The following NRXN3 variants were observed in gnomAD, a reference collection of about 807,000 sequenced individuals.
NRXN3 encodes the protein neurexin III.
In NRXN3, 32 loss-of-function variants were observed where a neutral mutation model predicts 137.6. That is an observed-to-expected ratio of 0.23 (90% CI 0.18 to 0.31). The LOEUF is 0.31. Ranked by LOEUF, NRXN3 falls within the 10% of genes least tolerant of loss-of-function variation. NRXN3 has a pLI of 1.00. For synonymous variants in NRXN3, 798 were observed against 784.5 expected (o/e 1.02, Z -0.29); for missense variants, 1,574 against 2,062.5 (o/e 0.76, Z 4.59).
rs1458447354 is a variant in NRXN3 at position 79,062,811 on chromosome 14, TC to T, written c.3262+74671del. ...CTCATTCTCTATTCAATTTTGTTTT[TC>T]ATGCAAGAGAAAAATATAAAACACG... On this transcript the variant is annotated intron_variant, in intron 15 of 20. Transcript: ENST00000335750. Among the ~76,000 whole-genome samples the T allele has an allele frequency of 6.6e-5, 10 of 152,192 alleles. No homozygotes were observed. The East Asian group carries it at 1.3e-3, about 20-fold the overall frequency.
At chr14:79,661,381 T>A (rs747568021) in intron 16 of NRXN3, among the ~76,000 whole-genome samples, 8 of 152,186 alleles carry the variant, frequency 5.3e-5, no homozygotes, top group Non-Finnish European at 1.2e-4. Flanking sequence ...CAGCCTGCTT[T>A]GGTTGATCAT....
chr14:78,558,810 A>G (rs2096761588), intron 4 of NRXN3, among the ~76,000 whole-genome samples: 1 of 152,224 alleles, frequency 6.6e-6, no homozygotes, highest in African/African-American at 2.4e-5. Flanking sequence ...GATAGCTACC[A>G]TTTGCTCATT....
At chr14:79,758,236 A>T (rs577240910) in intron 19 of NRXN3, among the ~76,000 whole-genome samples, 4 of 152,150 alleles carry the variant, frequency 2.6e-5, no homozygotes, top group Admixed American at 2.6e-4. Flanking sequence ...ATAAAGAAAC[A>T]TGTGAGACTG....
chr14:78,374,416 A>T (rs1291265459), intron 4 of NRXN3, among the ~76,000 whole-genome samples: 1 of 152,220 alleles, frequency 6.6e-6, no homozygotes. Flanking sequence ...AAATCTTGTC[A>T]AACTGTATTA....
At chr14:79,018,465 C>T (rs2099583584) in intron 15 of NRXN3, among the ~76,000 whole-genome samples, 1 of 151,980 alleles carries the variant, frequency 6.6e-6, no homozygotes, top group Admixed American at 6.6e-5. Context: ...GATTTCTCCA[C>T]TTTCTGAGAT....
intron 4 of NRXN3, among the ~76,000 whole-genome samples, chr14:78,574,599 C>T (rs1464142734): frequency 1.3e-5 from 2 of 152,212 alleles, no homozygotes; most frequent in Non-Finnish European, 1.5e-5. Context: ...GTAGCCCCTT[C>T]GTTTTGGCCA....
intron 8 of NRXN3, among the ~76,000 whole-genome samples, chr14:78,751,079 A>T (rs571925688): frequency 2.6e-5 from 4 of 152,202 alleles, no homozygotes; most frequent in African/African-American, 9.6e-5. Context: ...CCTCTTAGAT[A>T]AAAGAAGTCC....
intron 9 of NRXN3, among the ~76,000 whole-genome samples, chr14:78,810,035 A>T (rs1349070337): frequency 6.9e-6 from 1 of 144,482 alleles, no homozygotes; most frequent in Non-Finnish European, 1.5e-5. Context: ...AAAAAAAAAA[A>T]TGTTTGGTGT....
At chr14:78,947,804 G>A (rs73325334) in intron 10 of NRXN3, among the ~76,000 whole-genome samples, 3,356 of 152,238 alleles carry the variant, frequency 0.022, 112 homozygotes, top group African/African-American at 0.074. Flanking sequence ...ACTCTAGGTG[G>A]GTATTTAGGT....
intron 8 of NRXN3, among the ~76,000 whole-genome samples, chr14:78,776,173 A>T (rs2098744314): frequency 6.6e-6 from 1 of 152,238 alleles, no homozygotes; most frequent in Non-Finnish European, 1.5e-5. Flanking sequence ...CAGTTCTTCA[A>T]GCATGTATAC....
chr14:79,863,155 T>C lies in NRXN3; in HGVS notation c.*1191T>C, dbSNP rs1188574044. On this transcript the variant is annotated 3_prime_UTR_variant, in exon 21 of 21. Coordinates refer to ENST00000335750, the MANE Select transcript of NRXN3 (RefSeq NM_001330195.2). ...CATAGTTCTTTCCCCGCCCCGAATG[T>C]GACAATGGTTTTCATAGTGGTTTAA... 1 of 152,598 alleles carries C rather than the reference T, an allele frequency of 6.6e-6. No homozygotes were observed. The highest frequency in any genetic ancestry group is 1.9e-4 in the East Asian group (1 of 5,200). The allele number at this position is 152,598 out of a possible 1,614,324, so 9.5% of individuals were successfully genotyped here.
chr14:78,488,223 T>C (rs1430545947), intron 4 of NRXN3, among the ~76,000 whole-genome samples: 2 of 152,212 alleles, frequency 1.3e-5, no homozygotes, highest in African/African-American at 2.4e-5. Context: ...TCATTATAAC[T>C]TAATCACCTC....
intron 7 of NRXN3, among the ~76,000 whole-genome samples, chr14:78,711,782 A>G (rs1289424344): frequency 6.6e-6 from 1 of 152,180 alleles, no homozygotes; most frequent in Non-Finnish European, 1.5e-5. Flanking sequence ...ATCAAAGCCT[A>G]TTAAAAACTT....
intron 16 of NRXN3, among the ~76,000 whole-genome samples, chr14:79,526,638 A>G (rs1315071017): frequency 6.6e-6 from 1 of 152,220 alleles, no homozygotes; most frequent in African/African-American, 2.4e-5. Flanking sequence ...ACCGTGTGCC[A>G]GATACAGAGC....
At chr14:78,507,128 A>G (rs1599627982) in intron 4 of NRXN3, among the ~76,000 whole-genome samples, 1 of 152,232 alleles carries the variant, frequency 6.6e-6, no homozygotes, top group Admixed American at 6.5e-5. Context: ...ACGCTATGTC[A>G]CTCAAATAAC....
intron 4 of NRXN3, among the ~76,000 whole-genome samples, chr14:78,359,340 A>T (rs2084780012): frequency 1.3e-5 from 2 of 152,142 alleles, no homozygotes; most frequent in Non-Finnish European, 2.9e-5. Context: ...TCTCCAGGTG[A>T]TTCTAATGTA....
At chr14:78,866,243 A>T (rs2099086428) in intron 10 of NRXN3, among the ~76,000 whole-genome samples, 1 of 152,220 alleles carries the variant, frequency 6.6e-6, no homozygotes. Context: ...AAAGAAAAAA[A>T]TGACGTTTTC....
At position 78,731,806 on chromosome 14, in the gene NRXN3, C is replaced by T. The variant is rs531635754; in HGVS notation, c.2044+16667C>T. On this transcript the variant is annotated intron_variant, in intron 8 of 20. Transcript: ENST00000335750. Reference sequence around the variant, plus strand: ...TCCTGTTTTTTTTCAAAAATTATCTCGTAGTTGCATAATTATACCATAATT... The same window carrying T: ...TCCTGTTTTTTTTCAAAAATTATCTTGTAGTTGCATAATTATACCATAATT... Among the ~76,000 whole-genome samples the T allele has an allele frequency of 6.0e-5, 9 of 150,334 alleles. No individual in the cohort carries two copies. The South Asian group carries it at 6.3e-4, about 11-fold the overall frequency.
intron 4 of NRXN3, among the ~76,000 whole-genome samples, chr14:78,620,386 T>C (rs2097390286): frequency 1.3e-5 from 2 of 152,218 alleles, no homozygotes; most frequent in Non-Finnish European, 2.9e-5. Flanking sequence ...TTGTACTGTT[T>C]CTGATTTATT....
Sources: allele counts gnomAD v4.1 joint callset (sites outside exome capture counted in the v4.1 genomes callset), GRCh38; gene constraint gnomAD v4.1.1; transcripts MANE v1.5; gene names NCBI Gene and HGNC (gene_info 2026-07-23, HGNC 2026-07-21).